HECW2: variants seen among roughly 807,000 people sequenced by gnomAD.
The protein encoded by HECW2 is E3 ubiquitin-protein ligase HECW2.
In HECW2, 61 loss-of-function variants were observed where a neutral mutation model predicts 175.2. The ratio of observed to expected loss-of-function variants is 0.35; its 90% confidence interval spans 0.28 to 0.43. The LOEUF (loss-of-function observed/expected upper bound fraction) is 0.43. Among genes scored for constraint, HECW2 ranks in the 20% least tolerant of loss-of-function variants. HECW2 has a pLI of 1.00. For synonymous variants in HECW2, 671 were observed against 731.0 expected (o/e 0.92, Z 1.32); for missense variants, 1,524 against 2,000.5 (o/e 0.76, Z 4.54).
chr2:196,216,941 T>C (rs1281566370), intron 27 of HECW2, 67 bp downstream of exon 27: 3 of 1,097,788 alleles, frequency 2.7e-6, no homozygotes, highest in East Asian at 5.5e-5. Context: ...TTAGCAGTTA[T>C]TAAAAACATA....
chr2:196,228,975 T>G (rs1226661448), intron 21 of HECW2, among the ~76,000 whole-genome samples: 1 of 152,114 alleles, frequency 6.6e-6, no homozygotes, highest in Non-Finnish European at 1.5e-5. Context: ...AGGGTCAAAC[T>G]GAAGTGTAAG....
intron 1 of HECW2, among the ~76,000 whole-genome samples, chr2:196,504,141 C>T (rs1352109468): frequency 6.6e-6 from 1 of 151,906 alleles, no homozygotes; most frequent in Non-Finnish European, 1.5e-5. Context: ...ACTAAAAATA[C>T]AAAAATTAGC....
intron 2 of HECW2, among the ~76,000 whole-genome samples, chr2:196,413,664 T>G (rs965620779): frequency 6.6e-6 from 1 of 152,096 alleles, no homozygotes; most frequent in African/African-American, 2.4e-5. Context: ...TCAAAAAAAA[T>G]TATATGAGAT....
Position 196,318,933 on chromosome 2 carries a change from GC to G in HECW2, c.1956del (p.Gln652HisfsTer178). 1 of 1,603,316 alleles carries G rather than the reference GC, an allele frequency of 6.2e-7. No homozygotes were observed. Among genetic ancestry groups the G allele is most frequent in the Non-Finnish European group, 8.5e-7 (1 of 1,174,684 alleles). On this transcript the variant is annotated frameshift_variant, in exon 9 of 29. Transcript: ENST00000644978. LOFTEE classifies it high-confidence loss of function. The part of the protein sequence containing the change: ...DSSCNESVTT[Q>X]LSSVDTRCSS... The stretch of plus-strand genomic sequence containing the variant: ...GAGCACCGTGTGTCCACAGAGGACA[GC>G]TGCGTGGTCACACTCTCATTGCAGG...
At chr2:196,248,597 G>GACACAAACACACACAC (rs1553636702) in intron 19 of HECW2, among the ~76,000 whole-genome samples, 7 of 143,922 alleles carry the variant, frequency 4.9e-5, no homozygotes, top group Admixed American at 2.1e-4. Context: ...GAGACAGACA[G>GACACAAACACACACAC]ACACACACAC....
chr2:196,380,835 TG>T (rs886171531), intron 2 of HECW2, among the ~76,000 whole-genome samples: 12 of 152,310 alleles, frequency 7.9e-5, no homozygotes, highest in African/African-American at 2.9e-4. Flanking sequence ...CATAATAAAA[TG>T]TTACACAGCC....
At chr2:196,372,742 T>C (rs987430408) in intron 2 of HECW2, among the ~76,000 whole-genome samples, 1 of 152,222 alleles carries the variant, frequency 6.6e-6, no homozygotes, top group Non-Finnish European at 1.5e-5. Context: ...CTAAATTTGT[T>C]CATTTTATTT....
chr2:196,294,239 T>C (rs564264243), intron 13 of HECW2, among the ~76,000 whole-genome samples: 1 of 152,370 alleles, frequency 6.6e-6, no homozygotes, highest in African/African-American at 2.4e-5. Flanking sequence ...ATTTATTGCA[T>C]AATACCATGC....
At chr2:196,363,284 A>G (rs1693650998) in intron 2 of HECW2, among the ~76,000 whole-genome samples, 1 of 152,110 alleles carries the variant, frequency 6.6e-6, no homozygotes, top group African/African-American at 2.4e-5. Flanking sequence ...ATAGTATCAA[A>G]TGAGTGTCAC....
intron 1 of HECW2, among the ~76,000 whole-genome samples, chr2:196,478,988 G>A (rs1354295293): frequency 6.6e-6 from 1 of 152,210 alleles, no homozygotes; most frequent in South Asian, 2.1e-4. Context: ...GCCAATGTGA[G>A]GGCCAACAAG....
At chr2:196,229,799 T>G (rs1007430947) in intron 21 of HECW2, among the ~76,000 whole-genome samples, 2 of 152,258 alleles carry the variant, frequency 1.3e-5, no homozygotes, top group Admixed American at 6.5e-5. Context: ...ATTATTAATA[T>G]TTTTCATTAA....
intron 5 of HECW2, 43 bp downstream of exon 5, chr2:196,329,532 T>C (rs1692278955): frequency 6.6e-7 from 1 of 1,513,000 alleles, no homozygotes; most frequent in Non-Finnish European, 9.2e-7. Flanking sequence ...CCTTCGAAAC[T>C]GTACACTTTC....
intron 21 of HECW2, among the ~76,000 whole-genome samples, chr2:196,233,717 G>A (rs1438262379): frequency 6.6e-6 from 1 of 152,174 alleles, no homozygotes; most frequent in Non-Finnish European, 1.5e-5. Context: ...AGAAAGGTTT[G>A]GGTAATTTAG....
At chr2:196,235,760 A>G (rs963344019) in intron 21 of HECW2, among the ~76,000 whole-genome samples, 2 of 139,468 alleles carry the variant, frequency 1.4e-5, no homozygotes, top group African/African-American at 5.4e-5. Context: ...GGTTCACGCC[A>G]TTCTCCTGCC....
intron 2 of HECW2, among the ~76,000 whole-genome samples, chr2:196,423,706 G>GTGTGTGTC (rs1695467185): frequency 6.6e-6 from 1 of 150,934 alleles, no homozygotes; most frequent in Admixed American, 6.6e-5. Flanking sequence ...GTGTGTGTGT[G>GTGTGTGTC]TGTGTGTGTT....
At chr2:196,485,638 G>A (rs1361002997) in intron 1 of HECW2, among the ~76,000 whole-genome samples, 1 of 152,026 alleles carries the variant, frequency 6.6e-6, no homozygotes, top group African/African-American at 2.4e-5. Context: ...CCAAATTTTG[G>A]GTGATATCCA....
chr2:196,395,339 A>G (rs1456645263), intron 2 of HECW2, among the ~76,000 whole-genome samples: 2 of 149,096 alleles, frequency 1.3e-5, no homozygotes, highest in Non-Finnish European at 3.0e-5. Flanking sequence ...CACAGTTAAC[A>G]GGAGAAAAAA....
intron 1 of HECW2, among the ~76,000 whole-genome samples, chr2:196,558,922 T>C (rs1238750718): frequency 6.6e-6 from 1 of 152,200 alleles, no homozygotes; most frequent in Middle Eastern, 3.2e-3. Flanking sequence ...AATGGATTAG[T>C]AATGTGAACT....
intron 14 of HECW2, chr2:196,288,983 G>A (rs1011060808): frequency 3.9e-5 from 6 of 152,220 alleles, no homozygotes; most frequent in Non-Finnish European, 7.3e-5. Flanking sequence ...ATATAATGTG[G>A]ATAAAAATAG....
Sources: gnomAD v4.1 joint callset for allele counts (sites outside exome capture counted in the v4.1 genomes callset) on GRCh38, gnomAD v4.1.1 for gene constraint, MANE v1.5 for transcripts, NCBI Gene and HGNC (gene_info 2026-07-23, HGNC 2026-07-21) for gene names.